RIMS2: variants seen among roughly 807,000 people sequenced by gnomAD.
The protein encoded by RIMS2 is regulating synaptic membrane exocytosis protein 2.
A neutral mutation model predicts 174.4 loss-of-function variants in RIMS2; 59 were observed. The ratio of observed to expected loss-of-function variants is 0.34; its 90% CI spans 0.27 to 0.42. The LOEUF (loss-of-function observed/expected upper bound fraction) is 0.42. RIMS2 is among the 10% of genes least tolerant of loss of function. The probability of loss-of-function intolerance (pLI) is 1.00; values close to 1 mark genes in which losing one functional copy is unlikely to be tolerated. For synonymous variants in RIMS2, 606 were observed against 572.5 expected (o/e 1.06, Z -0.84); for missense variants, 1,620 against 1,666.3 (o/e 0.97, Z 0.48).
At position 103,614,667 on chromosome 8, in the gene RIMS2, C is replaced by G. The variant is rs1408005725; in HGVS notation, c.177-82419C>G. Among the ~76,000 whole-genome samples, 4 of 152,330 alleles carry G rather than the reference C, an allele frequency of 2.6e-5. 1 individual carries two copies. Among genetic ancestry groups the G allele is most frequent in the African/African-American group, 9.6e-5 (4 of 41,566 alleles). ...TCAAATCGTGGTGAGTACAGCAACC[C>G]TCCTTTCTACTCAAGTTTCCAAAAT... On this transcript the variant is annotated intron_variant, in intron 1 of 23. Coordinates refer to ENST00000504942, the Ensembl canonical transcript of RIMS2.
intron 19 of RIMS2, among the ~76,000 whole-genome samples, chr8:104,018,291 T>C (rs2095984565): frequency 6.6e-6 from 1 of 152,196 alleles, no homozygotes; most frequent in Admixed American, 6.5e-5. Context: ...TGTCTGACTG[T>C]GTATCTAAAA....
intron 17 of RIMS2, among the ~76,000 whole-genome samples, chr8:104,001,649 TTACTC>T (rs1171645459): frequency 2.0e-5 from 3 of 151,994 alleles, no homozygotes; most frequent in African/African-American, 7.2e-5. Context: ...CATTTGTTAT[TTACTC>T]TACTAACTTT....
intron 1 of RIMS2, among the ~76,000 whole-genome samples, chr8:103,621,289 G>C (rs189621311): frequency 4.9e-4 from 75 of 152,290 alleles, no homozygotes; most frequent in Middle Eastern, 3.4e-3. Flanking sequence ...ATAACCTGAC[G>C]TGCCCACCCT....
chr8:104,209,671 A>G (rs118087974), intron 19 of RIMS2, among the ~76,000 whole-genome samples: 1,745 of 152,298 alleles, frequency 0.011, 16 homozygotes, highest in Non-Finnish European at 0.017. Context: ...TTTGTATACT[A>G]ATGTGCCTGA....
chr8:103,942,319 A>ATG (rs1255174653), intron 13 of RIMS2, among the ~76,000 whole-genome samples: 1 of 152,166 alleles, frequency 6.6e-6, no homozygotes, highest in East Asian at 1.9e-4. Context: ...TGCAAAGAAC[A>ATG]TGATCTTGTT....
intron 3 of RIMS2, among the ~76,000 whole-genome samples, chr8:103,845,802 A>G (rs1464937060): frequency 2.6e-5 from 4 of 152,166 alleles, no homozygotes; most frequent in Non-Finnish European, 5.9e-5. Context: ...TGAGTAGAAT[A>G]GGAAGATCAA....
chr8:103,981,601 A>C (rs2093910272), intron 16 of RIMS2, among the ~76,000 whole-genome samples: 3 of 152,194 alleles, frequency 2.0e-5, no homozygotes, highest in African/African-American at 7.2e-5. Context: ...AGAAAATTCA[A>C]AACTGCTATT....
chr8:103,727,879 C>T (rs2097543386), intron 2 of RIMS2, among the ~76,000 whole-genome samples: 1 of 152,114 alleles, frequency 6.6e-6, no homozygotes. Flanking sequence ...TGTGATTCCT[C>T]CAGTGTTATT....
At chr8:104,169,717 T>C (rs1053110618) in intron 19 of RIMS2, among the ~76,000 whole-genome samples, 1 of 152,052 alleles carries the variant, frequency 6.6e-6, no homozygotes, top group Non-Finnish European at 1.5e-5. Flanking sequence ...TTCTACTGGG[T>C]TTGGGTTTAG....
intron 19 of RIMS2, among the ~76,000 whole-genome samples, chr8:104,121,813 T>C (rs1188727275): frequency 6.6e-6 from 1 of 151,718 alleles, no homozygotes; most frequent in African/African-American, 2.4e-5. Flanking sequence ...AATACAAAAA[T>C]TAGCCAGGCG....
chr8:103,768,273 G>C (rs1264852327), intron 3 of RIMS2: 2 of 574,640 alleles, frequency 3.5e-6, no homozygotes, highest in African/African-American at 3.8e-5. Flanking sequence ...GCATTCACCT[G>C]CTTCAAGATG....
intron 1 of RIMS2, among the ~76,000 whole-genome samples, chr8:103,527,094 T>C (rs565677704): frequency 2.6e-5 from 4 of 152,160 alleles, no homozygotes; most frequent in Non-Finnish European, 4.4e-5. Context: ...TATAAGACAA[T>C]GGATTTATGT....
chr8:103,937,054 C>T lies in RIMS2; in HGVS notation c.2547+332C>T, dbSNP rs554618931. On this transcript the variant is annotated intron_variant, in intron 13 of 23. Transcript: ENST00000504942. Reference sequence around the variant, plus strand: ...CAGAGGTTGCAGTGAGCCGAGATCGCGCCACTGCACTCCAGTCTGGGTGAC... The same window carrying T: ...CAGAGGTTGCAGTGAGCCGAGATCGTGCCACTGCACTCCAGTCTGGGTGAC... Among the ~76,000 whole-genome samples the T allele has an allele frequency of 5.0e-4, 76 of 151,400 alleles. 1 individual carries two copies. Among genetic ancestry groups the T allele is most frequent in the African/African-American group, 1.7e-3 (72 of 41,256 alleles).
At chr8:103,572,341 T>G (rs1408810650) in intron 1 of RIMS2, among the ~76,000 whole-genome samples, 8 of 152,136 alleles carry the variant, frequency 5.3e-5, no homozygotes, top group Admixed American at 5.2e-4. Flanking sequence ...TATTTGGCCC[T>G]GCGCACGCCT....
At chr8:103,614,209 T>C (rs948512822) in intron 1 of RIMS2, among the ~76,000 whole-genome samples, 2 of 152,268 alleles carry the variant, frequency 1.3e-5, no homozygotes, top group African/African-American at 4.8e-5. Flanking sequence ...ACTTGAGTTC[T>C]GACCACTGGG....
At chr8:103,924,933 C>T (rs1376054894) in intron 10 of RIMS2, among the ~76,000 whole-genome samples, 1 of 151,508 alleles carries the variant, frequency 6.6e-6, no homozygotes, top group African/African-American at 2.4e-5. Context: ...AGCATGAGTT[C>T]GGGTTTATGC....
intron 1 of RIMS2, among the ~76,000 whole-genome samples, chr8:103,585,389 C>T (rs1037845914): frequency 1.3e-5 from 2 of 149,550 alleles, no homozygotes; most frequent in South Asian, 2.1e-4. Context: ...TGGGTATATA[C>T]CCAAAGGATT....
chr8:104,252,587 T>C (rs1402555756), downstream of RIMS2: 2 of 150,334 alleles, frequency 1.3e-5, no homozygotes, highest in South Asian at 2.1e-4. Context: ...TTTTTAAAAA[T>C]AAATTTCACT....
chr8:103,855,075 A>G (rs562001338), intron 3 of RIMS2, among the ~76,000 whole-genome samples: 1 of 151,912 alleles, frequency 6.6e-6, no homozygotes, highest in African/African-American at 2.4e-5. Flanking sequence ...TCTATTCCTG[A>G]TTCAGTCTCG....
Sources: allele counts gnomAD v4.1 joint callset (sites outside exome capture counted in the v4.1 genomes callset), GRCh38; gene constraint gnomAD v4.1.1; transcripts MANE v1.5; gene names NCBI Gene and HGNC (gene_info 2026-07-23, HGNC 2026-07-21).